RP1: variants seen among roughly 807,000 people sequenced by gnomAD.
The protein encoded by RP1 is RP1 axonemal microtubule associated.
Under a neutral mutation model 14.8 loss-of-function variants are expected in RP1, and 16 were observed. The observed-to-expected ratio is 1.08, with a 90% CI of 0.73 to 1.65. The LOEUF (loss-of-function observed/expected upper bound fraction) is 1.65, where lower values mean the gene tolerates loss of function less well. Ranked by LOEUF, RP1 falls within the 40% of genes most tolerant of loss-of-function variation. The pLI is 0.00. For missense variants in RP1, 2,631 were observed against 2,535.0 expected (o/e 1.04, Z -0.81); for synonymous variants, 876 against 883.6 (o/e 0.99, Z 0.15).
chr8:54,780,837 T>C (rs1203110778), intron 23 of RP1: 2 of 720,802 alleles, frequency 2.8e-6, no homozygotes, highest in Non-Finnish European at 3.4e-6. Flanking sequence ...GGAACAACTG[T>C]AGGCTGAAGT....
rs2293869 is a variant in RP1 at position 54,626,835 on chromosome 8, A to G, written c.2953A>G (p.Asn985Asp). The change falls in exon 4 of 4, where the codon AAT becomes GAT. Residue 985 changes from asparagine to aspartate, a missense_variant. By Grantham distance (23) the Asn-to-Asp change is conservative (BLOSUM62 1). Coordinates refer to ENST00000220676, the MANE Select transcript of RP1 (RefSeq NM_006269.2). ...ITKIAGLTGD[N>D]LCKEGDKSFI... ...TAAAATTGCCGGTTTGACAGGAGAT[A>G]ATCTATGTAAAGAGGGAGATAAGTC... 1 of 1,613,202 alleles carries G rather than the reference A, an allele frequency of 6.2e-7. No individual in the cohort carries two copies. The highest frequency in any genetic ancestry group is 1.7e-5 in the Admixed American group (1 of 59,998).
chr8:54,770,134 A>C (rs114997280), downstream of RP1: 9,912 of 404,098 alleles, frequency 0.025, 280 homozygotes, highest in African/African-American at 0.092. Flanking sequence ...AATGCAAATA[A>C]ATCATCAACC....
At chr8:54,607,796 C>T (rs955858925) in intron 1 of RP1, among the ~76,000 whole-genome samples, 1 of 152,202 alleles carries the variant, frequency 6.6e-6, no homozygotes, top group Non-Finnish European at 1.5e-5. Flanking sequence ...TCTCAGACTG[C>T]TGTGCTAGCA....
At chr8:54,830,561 C>A (rs1387385582) in intron 24 of RP1, among the ~76,000 whole-genome samples, 1 of 151,842 alleles carries the variant, frequency 6.6e-6, no homozygotes, top group East Asian at 1.9e-4. Flanking sequence ...CCATCCTTTC[C>A]TTTTTTAGCT....
At chr8:54,793,795 C>T (rs1485726794) in intron 24 of RP1, among the ~76,000 whole-genome samples, 3 of 151,902 alleles carry the variant, frequency 2.0e-5, no homozygotes, top group Admixed American at 6.6e-5. Flanking sequence ...CTTGCTACTT[C>T]TATTTAACAT....
chr8:54,647,059 CA>C (rs1563337400), intron 3 of RP1, among the ~76,000 whole-genome samples: 1 of 152,144 alleles, frequency 6.6e-6, no homozygotes, highest in Non-Finnish European at 1.5e-5. Flanking sequence ...GGTAGCCTAA[CA>C]TGGCTTTCCA....
intron 16 of RP1, among the ~76,000 whole-genome samples, chr8:54,723,358 C>G (rs532438777): frequency 1.3e-5 from 2 of 152,260 alleles, no homozygotes; most frequent in South Asian, 4.1e-4. Flanking sequence ...CTCATCACCT[C>G]TTTTAATCAC....
intron 24 of RP1, among the ~76,000 whole-genome samples, chr8:54,805,574 C>T (rs1474720530): frequency 6.6e-6 from 1 of 152,156 alleles, no homozygotes; most frequent in South Asian, 2.1e-4. Context: ...GGACCTTGTT[C>T]CAAAAAGTGA....
intron 7 of RP1, among the ~76,000 whole-genome samples, chr8:54,665,447 C>T (rs543745825): frequency 6.6e-6 from 1 of 152,256 alleles, no homozygotes; most frequent in African/African-American, 2.4e-5. Context: ...CAAGTCCTGT[C>T]AGTGCCCCAG....
intron 15 of RP1, among the ~76,000 whole-genome samples, chr8:54,719,804 T>C (rs1198080442): frequency 6.6e-6 from 1 of 152,228 alleles, no homozygotes; most frequent in Non-Finnish European, 1.5e-5. Flanking sequence ...AAGTTCCACA[T>C]TTTAATGTTC....
At chr8:54,714,962 G>A (rs1425855318) in intron 15 of RP1, among the ~76,000 whole-genome samples, 1 of 152,250 alleles carries the variant, frequency 6.6e-6, no homozygotes, top group Non-Finnish European at 1.5e-5. Context: ...TCTTGGAAAA[G>A]AGAAGGCATA....
Position 54,625,622 on chromosome 8 carries a change from A to T in RP1, c.1740A>T (p.Val580=). The change falls in exon 4 of 4, where the codon GTA becomes GTT. Residue 580 remains valine, a synonymous_variant. Transcript: ENST00000220676. ...ISNNSIVEED[V]VDCVVLDNKT... is the part of the protein sequence containing the mutation. ...ATAACTCAATTGTGGAGGAAGATGT[A>T]GTTGATTGTGTGGTATTGGACAACA... The T allele has an allele frequency of 6.2e-7, 1 of 1,614,162 alleles. No individual in the cohort carries two copies. The highest frequency in any genetic ancestry group is 1.1e-5 in the South Asian group (1 of 91,078).
chr8:54,643,113 T>C (rs954122456), intron 3 of RP1, among the ~76,000 whole-genome samples: 3 of 152,184 alleles, frequency 2.0e-5, no homozygotes, highest in African/African-American at 7.2e-5. Context: ...AAAGGAAATT[T>C]GTCCTTTTTC....
chr8:54,786,373 A>G (rs903251456), intron 24 of RP1, among the ~76,000 whole-genome samples: 2 of 151,938 alleles, frequency 1.3e-5, no homozygotes, highest in African/African-American at 4.8e-5. Context: ...TAAGTTGTTT[A>G]TCTTCTGCTG....
downstream of RP1, among the ~76,000 whole-genome samples, chr8:54,633,913 A>T (rs1457726785): frequency 6.6e-6 from 1 of 152,008 alleles, no homozygotes; most frequent in Non-Finnish European, 1.5e-5. Flanking sequence ...GGGTAACAGT[A>T]CCTTTAATGT....
In RP1 at chr8:54,644,990, A is replaced by G. The variant is rs142957821; in HGVS notation, c.788-3995A>G. Among the ~76,000 whole-genome samples, 4 of 152,298 alleles carry G rather than the reference A, an allele frequency of 2.6e-5. No individual in the cohort carries two copies. The East Asian group carries it at 7.7e-4, about 29-fold the overall frequency. ...CTAAGTTGTATTGGGTTAAGAGCCTACACTATTCCAGCATGACTTAATATT... is the reference window on the plus strand; with the variant it reads ...CTAAGTTGTATTGGGTTAAGAGCCTGCACTATTCCAGCATGACTTAATATT... On this transcript the variant is annotated intron_variant, in intron 3 of 22. Coordinates refer to the RP1 transcript ENST00000636932.
chr8:54,844,473 C>A (rs1202868539), intron 25 of RP1, among the ~76,000 whole-genome samples: 2 of 152,024 alleles, frequency 1.3e-5, no homozygotes, highest in Non-Finnish European at 2.9e-5. Context: ...GTTGTGGAGT[C>A]CTCTGTGTGT....
At chr8:54,819,827 G>GA in intron 24 of RP1, among the ~76,000 whole-genome samples, 1 of 152,204 alleles carries the variant, frequency 6.6e-6, no homozygotes, top group African/African-American at 2.4e-5. Flanking sequence ...CCCCTAAACA[G>GA]AAAAAGCCTC....
chr8:54,741,584 T>C (rs971544339), intron 19 of RP1, among the ~76,000 whole-genome samples: 1 of 151,474 alleles, frequency 6.6e-6, no homozygotes, highest in Non-Finnish European at 1.5e-5. Context: ...TACACAATAA[T>C]GAAATTGCCT....
Sources: allele counts gnomAD v4.1 joint callset (sites outside exome capture counted in the v4.1 genomes callset), GRCh38; gene constraint gnomAD v4.1.1; transcripts MANE v1.5; gene names NCBI Gene and HGNC (gene_info 2026-07-23, HGNC 2026-07-21).